The following ATP6V1A variants were observed in gnomAD, a reference collection of about 807,000 sequenced individuals.
ATP6V1A encodes ATPase H+ transporting V1 subunit A.
In ATP6V1A, 18 loss-of-function variants were observed where a neutral mutation model predicts 70.1. The observed-to-expected ratio is 0.26, with a 90% confidence interval of 0.18 to 0.38. ATP6V1A has a LOEUF of 0.38. Ranked by LOEUF, ATP6V1A falls within the 10% of genes least tolerant of loss-of-function variation. The pLI, the probability that ATP6V1A is intolerant of heterozygous loss-of-function variation, is 1.00. For missense variants in ATP6V1A, 424 were observed against 772.4 expected (o/e 0.55, Z 5.35); for synonymous variants, 232 against 253.8 (o/e 0.91, Z 0.82).
At chr3:113,764,923 G>A (rs1708751417) in intron 1 of ATP6V1A, among the ~76,000 whole-genome samples, 1 of 151,552 alleles carries the variant, frequency 6.6e-6, no homozygotes, top group African/African-American at 2.4e-5. Flanking sequence ...AGTGAGCTGA[G>A]GTTGCAGTGA....
intron 1 of ATP6V1A, among the ~76,000 whole-genome samples, chr3:113,752,555 T>G (rs1038868775): frequency 6.6e-6 from 1 of 152,070 alleles, no homozygotes; most frequent in African/African-American, 2.4e-5. Context: ...TTCTTTCATC[T>G]TAACTACTTG....
At chr3:113,794,826 T>G in intron 8 of ATP6V1A, 46 bp from the exon 9 acceptor site, 1 of 1,563,278 alleles carries the variant, frequency 6.4e-7, no homozygotes, top group Non-Finnish European at 8.6e-7. Flanking sequence ...AACAGGATTT[T>G]TATATGCTAG....
intron 1 of ATP6V1A, among the ~76,000 whole-genome samples, chr3:113,754,401 C>G (rs1483431104): frequency 1.3e-5 from 2 of 152,044 alleles, no homozygotes; most frequent in Admixed American, 6.6e-5. Context: ...GGCACGATGG[C>G]ATGCACCTGT....
At position 113,805,297 on chromosome 3, in the gene ATP6V1A, T is replaced by G. The variant is rs528581484; in HGVS notation, c.1590-57T>G. On this transcript the variant is annotated intron_variant, in intron 13 of 14. Transcript: ENST00000273398. ...AATGCTCTAGTAGTTTTATATAAAG[T>G]ATGAACCTGTTTTGGAGTTTATTTT... 6.6e-6 allele frequency: 10 copies of G among 1,522,784 alleles called. No homozygotes were observed. In the East Asian group the frequency reaches 2.0e-4, roughly 31 times the overall value. The allele number at this position is 1,522,784 out of a possible 1,614,324, so 94.3% of individuals were successfully genotyped here. A position where few individuals can be genotyped will look rare whatever the true frequency, so the allele number is the denominator to read the frequency against.
intron 12 of ATP6V1A, among the ~76,000 whole-genome samples, chr3:113,801,729 T>G (rs3773682): frequency 6.6e-6 from 1 of 151,886 alleles, no homozygotes; most frequent in Non-Finnish European, 1.5e-5. Flanking sequence ...CAGACCATGT[T>G]GCACAGCAGC....
At chr3:113,774,070 A>G (rs1708881645) in intron 1 of ATP6V1A, among the ~76,000 whole-genome samples, 6 of 152,182 alleles carry the variant, frequency 3.9e-5, no homozygotes. Context: ...GGAAAAAAAA[A>G]AAACTAGCTA....
At chr3:113,782,865 AC>A (rs1253278829) in intron 3 of ATP6V1A, among the ~76,000 whole-genome samples, 2 of 151,600 alleles carry the variant, frequency 1.3e-5, no homozygotes, top group African/African-American at 4.8e-5. Context: ...CTCACGATCC[AC>A]CTGCCCCGGC....
chr3:113,757,822 T>C lies in ATP6V1A; in HGVS notation c.-14+10709T>C, dbSNP rs559560229. Among the ~76,000 whole-genome samples, 36 of 152,316 alleles carry C rather than the reference T, an allele frequency of 2.4e-4. No individual in the cohort carries two copies. The South Asian group carries it at 7.0e-3, about 30-fold the overall frequency. ...CTAGGGTTAAAATTCTCTTAACAAA[T>C]TTGCATAGGTCAAATAGTCCTTTAG... On this transcript the variant is annotated intron_variant, in intron 1 of 14. Transcript: ENST00000273398.
At chr3:113,758,827 C>T (rs1457360374) in intron 1 of ATP6V1A, among the ~76,000 whole-genome samples, 4 of 152,174 alleles carry the variant, frequency 2.6e-5, no homozygotes, top group Non-Finnish European at 5.9e-5. Context: ...ACATCCTTAC[C>T]AACACTTCCT....
chr3:113,764,244 A>G (rs918882023), intron 1 of ATP6V1A, among the ~76,000 whole-genome samples: 1 of 151,970 alleles, frequency 6.6e-6, no homozygotes, highest in Non-Finnish European at 1.5e-5. Flanking sequence ...AAAAAAAAAG[A>G]AAAAAAAGTA....
intron 1 of ATP6V1A, among the ~76,000 whole-genome samples, chr3:113,766,257 T>A (rs185380646): frequency 1.6e-3 from 244 of 149,520 alleles, no homozygotes; most frequent in Non-Finnish European, 2.9e-3. Flanking sequence ...CCTCACATGG[T>A]AGAGAGCAGA....
At chr3:113,778,911 A>T in intron 2 of ATP6V1A, 76 bp downstream of exon 2, 1 of 1,003,466 alleles carries the variant, frequency 1.0e-6, no homozygotes. Context: ...TTTACATAGA[A>T]ATATACAACT....
chr3:113,785,983 A>C (rs1467298976), intron 5 of ATP6V1A, among the ~76,000 whole-genome samples: 1 of 149,458 alleles, frequency 6.7e-6, no homozygotes, highest in Non-Finnish European at 1.5e-5. Flanking sequence ...GATTACAGTC[A>C]CAAGTCTGAT....
intron 12 of ATP6V1A, 101 bp from the exon 13 acceptor site, chr3:113,803,482 T>C: frequency 1.2e-6 from 1 of 832,714 alleles, no homozygotes. Flanking sequence ...TAACAATAGG[T>C]GATGGTGGAA....
At chr3:113,752,109 T>C (rs896605391) in intron 1 of ATP6V1A, among the ~76,000 whole-genome samples, 2 of 151,924 alleles carry the variant, frequency 1.3e-5, no homozygotes, top group Non-Finnish European at 3.0e-5. Flanking sequence ...TTAAAAAAAT[T>C]TTATCTGCAA....
chr3:113,761,579 A>G (rs535564745), intron 1 of ATP6V1A, among the ~76,000 whole-genome samples: 30 of 151,780 alleles, frequency 2.0e-4, no homozygotes, highest in Admixed American at 5.3e-4. Flanking sequence ...TCTACTAAAA[A>G]TACATAATTA....
intron 1 of ATP6V1A, among the ~76,000 whole-genome samples, chr3:113,756,216 A>G (rs1023081015): frequency 6.6e-6 from 1 of 152,224 alleles, no homozygotes; most frequent in African/African-American, 2.4e-5. Context: ...TTGCTGCCAT[A>G]ATACCGCTAA....
intron 1 of ATP6V1A, among the ~76,000 whole-genome samples, chr3:113,751,945 A>G (rs1421658644): frequency 6.6e-6 from 1 of 151,912 alleles, no homozygotes; most frequent in African/African-American, 2.4e-5. Context: ...GGTATATCAT[A>G]AGTATTTTCA....
chr3:113,781,985 G>A (rs1708981864), intron 3 of ATP6V1A, among the ~76,000 whole-genome samples: 1 of 152,130 alleles, frequency 6.6e-6, no homozygotes, highest in Non-Finnish European at 1.5e-5. Context: ...TTTAAACATA[G>A]TATTTATTTT....
Sources: allele counts gnomAD v4.1 joint callset (sites outside exome capture counted in the v4.1 genomes callset), GRCh38; gene constraint gnomAD v4.1.1; transcripts MANE v1.5; gene names NCBI Gene and HGNC (gene_info 2026-07-23, HGNC 2026-07-21).